The following GPR141 variants were observed in gnomAD, a reference collection of about 807,000 sequenced individuals.
The protein encoded by GPR141 is G protein-coupled receptor 141, also known as probable G protein-coupled receptor 141.
Under a neutral mutation model 6.8 loss-of-function variants are expected in GPR141, and 6 were observed. The observed-to-expected ratio is 0.88, with a 90% CI of 0.48 to 1.74. GPR141 has a LOEUF of 1.74. Ranked by LOEUF, GPR141 falls within the 40% of genes most tolerant of loss-of-function variation. GPR141 has a pLI of 0.01. For missense variants in GPR141, 372 were observed against 372.9 expected (o/e 1.00, Z 0.02); for synonymous variants, 140 against 142.3 (o/e 0.98, Z 0.11).
intron 2 of GPR141, among the ~76,000 whole-genome samples, chr7:37,707,988 A>T (rs1810602290): frequency 1.3e-5 from 2 of 152,186 alleles, no homozygotes; most frequent in Non-Finnish European, 2.9e-5. Flanking sequence ...ACAGAGTGTG[A>T]ATATTTTGAC....
At chr7:37,736,923 GATACAA>G (rs1476616904) in intron 2 of GPR141, among the ~76,000 whole-genome samples, 3 of 152,104 alleles carry the variant, frequency 2.0e-5, no homozygotes, top group African/African-American at 7.2e-5. Flanking sequence ...GAATGTTAAT[GATACAA>G]TACAATAATA....
chr7:37,685,126 A>G (rs1391554179), intron 1 of GPR141: 1 of 152,236 alleles, frequency 6.6e-6, no homozygotes, highest in Non-Finnish European at 1.5e-5. Context: ...TATAAAAACA[A>G]GAAGTGAGCC....
At chr7:37,724,790 A>T (rs752766486) in intron 2 of GPR141, among the ~76,000 whole-genome samples, 27 of 152,172 alleles carry the variant, frequency 1.8e-4, no homozygotes, top group Non-Finnish European at 3.4e-4. Context: ...GGGGCTGGAC[A>T]TCCATCCTGG....
chr7:37,713,318 T>G (rs1052049310), intron 2 of GPR141: 1 of 152,204 alleles, frequency 6.6e-6, no homozygotes, highest in Non-Finnish European at 1.5e-5. Context: ...GCTAATTTTT[T>G]ATTGTTATTT....
chr7:37,725,517 C>A (rs1229978139), intron 2 of GPR141, among the ~76,000 whole-genome samples: 6 of 152,196 alleles, frequency 3.9e-5, no homozygotes. Flanking sequence ...CAGTCACCGG[C>A]AGCATTGATT....
chr7:37,726,396 T>A (rs1370613940), intron 2 of GPR141, among the ~76,000 whole-genome samples: 2 of 152,178 alleles, frequency 1.3e-5, no homozygotes, highest in Non-Finnish European at 2.9e-5. Context: ...GCTGTAATAA[T>A]CCCATTAAGA....
chr7:37,723,640 C>T (rs1369150622), intron 2 of GPR141, among the ~76,000 whole-genome samples: 2 of 152,172 alleles, frequency 1.3e-5, no homozygotes, highest in Admixed American at 6.5e-5. Context: ...AAGGAAGTTA[C>T]CAGCATTGTT....
At chr7:37,699,819 G>A (rs1810199249) in intron 2 of GPR141, among the ~76,000 whole-genome samples, 1 of 152,096 alleles carries the variant, frequency 6.6e-6, no homozygotes, top group Non-Finnish European at 1.5e-5. Context: ...TTTTTCAGGG[G>A]TTTATTTATT....
chr7:37,711,704 A>C (rs1810803135), intron 2 of GPR141, among the ~76,000 whole-genome samples: 1 of 152,146 alleles, frequency 6.6e-6, no homozygotes, highest in Non-Finnish European at 1.5e-5. Flanking sequence ...ATTGGAGGCA[A>C]CCTTTCTCTG....
chr7:37,716,623 G>A (rs994091352), intron 2 of GPR141, among the ~76,000 whole-genome samples: 2 of 152,142 alleles, frequency 1.3e-5, no homozygotes, highest in Non-Finnish European at 2.9e-5. Context: ...AATAAGTGTG[G>A]TCAAAAAATC....
At chr7:37,708,035 T>C (rs1000944108) in intron 2 of GPR141, among the ~76,000 whole-genome samples, 4 of 152,142 alleles carry the variant, frequency 2.6e-5, no homozygotes, top group Non-Finnish European at 5.9e-5. Context: ...ATTTCCTAAA[T>C]TGAAGAGAAC....
At chr7:37,700,205 C>T (rs193238843) in intron 2 of GPR141, among the ~76,000 whole-genome samples, 152 of 152,240 alleles carry the variant, frequency 1.0e-3, no homozygotes, top group African/African-American at 3.0e-3. Flanking sequence ...TCTGAATCAT[C>T]GAACTAAAAT....
At chr7:37,701,045 T>C (rs1810258352) in intron 2 of GPR141, among the ~76,000 whole-genome samples, 1 of 152,208 alleles carries the variant, frequency 6.6e-6, no homozygotes, top group African/African-American at 2.4e-5. Context: ...ATATACCCCA[T>C]TGTACATGGA....
Position 37,740,642 on chromosome 7 carries a change from T to G in GPR141, c.249T>G (p.Phe83Leu). 1.2e-6 allele frequency: 2 copies of G among 1,614,134 alleles called. No individual in the cohort carries two copies. Among genetic ancestry groups the G allele is most frequent in the African/African-American group, 1.3e-5 (1 of 75,042 alleles). ...ACCTCATCAAGAAGACTTGGATGTTTGGGCTGCCCTTCTGCAAATTTGTGA... is the reference window on the plus strand; with the variant it reads ...ACCTCATCAAGAAGACTTGGATGTTGGGGCTGCCCTTCTGCAAATTTGTGA... ...LTYLIKKTWM[F>L]GLPFCKFVSA... The change falls in exon 3 of 3, where the codon TTT becomes TTG. Residue 83 changes from phenylalanine (F) to leucine (L), a missense_variant. By Grantham distance (22) the Phe-to-Leu change is conservative (BLOSUM62 0). Transcript: ENST00000334425.
At chr7:37,716,772 A>G (rs1165814838) in intron 2 of GPR141, among the ~76,000 whole-genome samples, 1 of 152,246 alleles carries the variant, frequency 6.6e-6, no homozygotes, top group African/African-American at 2.4e-5. Context: ...ATTCCTTCTT[A>G]AGAATTTCTA....
At chr7:37,698,568 T>C (rs1810132469) in intron 2 of GPR141, among the ~76,000 whole-genome samples, 1 of 152,164 alleles carries the variant, frequency 6.6e-6, no homozygotes, top group Non-Finnish European at 1.5e-5. Context: ...GGGGATTTGC[T>C]ATGTATTGGA....
intron 2 of GPR141, among the ~76,000 whole-genome samples, chr7:37,698,187 C>T (rs1179509961): frequency 2.0e-5 from 3 of 152,176 alleles, no homozygotes; most frequent in Non-Finnish European, 4.4e-5. Flanking sequence ...TCAGCTTCAT[C>T]AAGCCTCAGC....
chr7:37,706,362 C>T (rs919420034), intron 2 of GPR141, among the ~76,000 whole-genome samples: 7 of 152,300 alleles, frequency 4.6e-5, no homozygotes, highest in African/African-American at 1.7e-4. Context: ...TTCCAAAATT[C>T]AGAGCACTGT....
At chr7:37,732,144 C>CTTTTTT (rs1176520782) in intron 2 of GPR141, among the ~76,000 whole-genome samples, 3 of 127,618 alleles carry the variant, frequency 2.4e-5, no homozygotes, top group Non-Finnish European at 4.9e-5. Context: ...TTCTCTCTCT[C>CTTTTTT]TTTTTTTTTT....
Sources: allele counts gnomAD v4.1 joint callset (sites outside exome capture counted in the v4.1 genomes callset), GRCh38; gene constraint gnomAD v4.1.1; transcripts MANE v1.5; gene names NCBI Gene and HGNC (gene_info 2026-07-23, HGNC 2026-07-21).